PSMB11: variants seen among roughly 807,000 people sequenced by gnomAD.
The protein encoded by PSMB11 is proteasome subunit beta 11.
For synonymous variants in PSMB11, 163 were observed against 167.7 expected (o/e 0.97, Z 0.22); for missense variants, 411 against 408.2 (o/e 1.01, Z -0.06).
At position 23,042,707 on chromosome 14, in the gene PSMB11, T is replaced by A. The variant is rs760140558; in HGVS notation, c.482T>A (p.Phe161Tyr). Reference sequence around the variant, plus strand: ...TGGGACCGCTCTGGCCCTGAGCTCTTCTACGTCTATAGCGACGGCACCCGC... The same window carrying A: ...TGGGACCGCTCTGGCCCTGAGCTCTACTACGTCTATAGCGACGGCACCCGC... The part of the protein sequence containing the change: ...CGWDRSGPEL[F>Y]YVYSDGTRLQ... Residue 161 changes from phenylalanine to tyrosine, a missense_variant, in exon 1 of 1, where the codon TTC (phenylalanine) becomes TAC (tyrosine). By Grantham distance (22) the Phe-to-Tyr change is conservative. Transcript: ENST00000408907. 6.2e-7 allele frequency: 1 copy of A among 1,613,412 alleles called. No individual in the cohort carries two copies. Among genetic ancestry groups the A allele is most frequent in the Non-Finnish European group, 8.5e-7 (1 of 1,179,998 alleles).
chr14:23,042,908 T>C lies in PSMB11; in HGVS notation c.683T>C (p.Val228Ala), dbSNP rs749011743. 2 of 1,613,966 alleles carry C rather than the reference T, an allele frequency of 1.2e-6. No individual in the cohort carries two copies. The highest frequency in any genetic ancestry group is 1.1e-5 in the South Asian group (1 of 91,068). Reference protein sequence around the residue: ...YSGGSVDLFHVRESGWEHVSR... With the variant: ...YSGGSVDLFHARESGWEHVSR... ...GGGGGCTCTGTAGACCTTTTCCACG[T>C]GCGGGAGAGTGGATGGGAGCATGTG... Residue 228 changes from valine (V) to alanine (A), a missense_variant, in exon 1 of 1, where the codon GTG becomes GCG. Transcript: ENST00000408907.
chr14:23,043,114 A>G lies in PSMB11; in HGVS notation c.889A>G (p.Thr297Ala), dbSNP rs780296102. 2 of 1,609,226 alleles carry G rather than the reference A, an allele frequency of 1.2e-6. No homozygotes were observed. Among genetic ancestry groups the G allele is most frequent in the Admixed American group, 3.4e-5 (2 of 59,610 alleles). Reference protein sequence around the residue: ...TPGDSRMPAGTETV With the variant: ...TPGDSRMPAGAETV ...AGGAGACTCCAGGATGCCAGCAGGGACTGAGACGGTGTGAGAAGCAGGACT... is the reference window on the plus strand; with the variant it reads ...AGGAGACTCCAGGATGCCAGCAGGGGCTGAGACGGTGTGAGAAGCAGGACT... The change falls in exon 1 of 1, where the codon ACT (threonine) becomes GCT (alanine). Residue 297 changes from threonine (T) to alanine (A), a missense_variant. Physicochemically the swap from Thr to Ala is moderately conservative, Grantham distance 58. Coordinates refer to ENST00000408907, the MANE Select transcript of PSMB11 (RefSeq NM_001099780.2).
In PSMB11 at chr14:23,043,783, G is replaced by C. The variant is rs28628049; in HGVS notation, c.*655G>C. 2,058 of 167,256 alleles carry C rather than the reference G, an allele frequency of 0.012. 23 individuals are homozygous for C. The highest frequency in any genetic ancestry group is 0.032 in the African/African-American group (1,340 of 41,564). The allele number at this position is 167,256 out of a possible 1,614,324, so 10.4% of individuals were successfully genotyped here. On this transcript the variant is annotated 3_prime_UTR_variant, in exon 1 of 1. Transcript: ENST00000408907. ...TCAGGTTCAAAGGGTTATGTGGCTTGCCAGGGTCACACAGTAAGTGGCAGG... is the reference window on the plus strand; with the variant it reads ...TCAGGTTCAAAGGGTTATGTGGCTTCCCAGGGTCACACAGTAAGTGGCAGG...
rs372255144 is a variant in PSMB11 at position 23,043,062 on chromosome 14, C to T, written c.837C>T (p.Leu279=). The T allele has an allele frequency of 2.5e-6, 4 of 1,613,768 alleles. No homozygotes were observed. Among genetic ancestry groups the T allele is most frequent in the Non-Finnish European group, 3.4e-6 (4 of 1,179,822 alleles). Residue 279 remains leucine (L), a synonymous_variant, in exon 1 of 1, where the codon CTC becomes CTT. Transcript: ENST00000408907. ...ACAGAGCTGCAGAAGATAGAGAGCT[C>T]TCTGTGGGGCCAGGGGAGGTGACAC... ...TAHRAAEDRE[L]SVGPGEVTPG... is the part of the protein sequence containing the mutation.
In PSMB11 at chr14:23,042,578, G is replaced by C; in HGVS notation, c.353G>C (p.Arg118Thr). The C allele has an allele frequency of 6.2e-7, 1 of 1,614,214 alleles. No individual in the cohort carries two copies. Among genetic ancestry groups the C allele is most frequent in the Non-Finnish European group, 8.5e-7 (1 of 1,180,042 alleles). ...LQRELRLRELREGQLPSVASA... is the reference protein window; with the variant it reads ...LQRELRLRELTEGQLPSVASA... ...CGGGAGCTGCGGCTTCGGGAACTGA[G>C]GGAGGGTCAGCTGCCCAGTGTGGCC... is the stretch of plus-strand genomic sequence containing the variant. Residue 118 changes from arginine (R) to threonine (T), a missense_variant, in exon 1 of 1, where the codon AGG becomes ACG. Coordinates refer to ENST00000408907, the MANE Select transcript of PSMB11 (RefSeq NM_001099780.2).
rs768935982 is a variant in PSMB11 at position 23,042,568 on chromosome 14, C to T, written c.343C>T (p.Arg115Trp). 1.6e-5 allele frequency: 26 copies of T among 1,614,060 alleles called. No homozygotes were observed. The highest frequency in any genetic ancestry group is 4.4e-5 in the South Asian group (4 of 91,084). Residue 115 changes from arginine (R) to tryptophan (W), a missense_variant, in exon 1 of 1, where the codon CGG (arginine) becomes TGG (tryptophan). Physicochemically the swap from Arg to Trp is moderately radical, Grantham distance 101. Coordinates refer to ENST00000408907, the MANE Select transcript of PSMB11 (RefSeq NM_001099780.2). ...YRVLQRELRLRELREGQLPSV... is the reference protein window; with the variant it reads ...YRVLQRELRLWELREGQLPSV... Reference sequence around the variant, plus strand: ...GGTATTACAGCGGGAGCTGCGGCTTCGGGAACTGAGGGAGGGTCAGCTGCC... The same window carrying T: ...GGTATTACAGCGGGAGCTGCGGCTTTGGGAACTGAGGGAGGGTCAGCTGCC...
At position 23,042,943 on chromosome 14, in the gene PSMB11, G is replaced by A. The variant is rs762039652; in HGVS notation, c.718G>A (p.Asp240Asn). 9.3e-6 allele frequency: 15 copies of A among 1,614,080 alleles called. No homozygotes were observed. Among genetic ancestry groups the A allele is most frequent in the African/African-American group, 1.3e-5 (1 of 74,936 alleles). The change falls in exon 1 of 1, where the codon GAT becomes AAT. Residue 240 changes from aspartate (D) to asparagine (N), a missense_variant. Asp to Asn is a conservative substitution (Grantham distance 23). Coordinates refer to ENST00000408907, the MANE Select transcript of PSMB11 (RefSeq NM_001099780.2). ...ESGWEHVSRS[D>N]ACVLYVELQK... ...TGGATGGGAGCATGTGTCACGCAGT[G>A]ATGCCTGTGTGCTGTACGTGGAGTT...
rs577567195 is a variant in PSMB11, at chr14:23,042,958, T to C, written c.733T>C (p.Tyr245His). The C allele has an allele frequency of 1.2e-6, 2 of 1,614,130 alleles. No individual in the cohort carries two copies. The highest frequency in any genetic ancestry group is 1.3e-5 in the African/African-American group (1 of 75,036). Residue 245 changes from tyrosine (Y) to histidine (H), a missense_variant, in exon 1 of 1, where the codon TAC becomes CAC. Coordinates refer to ENST00000408907, the MANE Select transcript of PSMB11 (RefSeq NM_001099780.2). ...GTCACGCAGTGATGCCTGTGTGCTG[T>C]ACGTGGAGTTACAGAAGCTCCTGGA... The part of the protein sequence containing the change: ...HVSRSDACVL[Y>H]VELQKLLEPE...
Position 23,042,906 on chromosome 14 carries a change from C to A in PSMB11, c.681C>A (p.His227Gln). 6.2e-7 allele frequency: 1 copy of A among 1,614,056 alleles called. No homozygotes were observed. Among genetic ancestry groups the A allele is most frequent in the Non-Finnish European group, 8.5e-7 (1 of 1,179,954 alleles). Reference sequence around the variant, plus strand: ...CAGGGGGCTCTGTAGACCTTTTCCACGTGCGGGAGAGTGGATGGGAGCATG... The same window carrying A: ...CAGGGGGCTCTGTAGACCTTTTCCAAGTGCGGGAGAGTGGATGGGAGCATG... Reference protein sequence around the residue: ...AYSGGSVDLFHVRESGWEHVS... With the variant: ...AYSGGSVDLFQVRESGWEHVS... Residue 227 changes from histidine (H) to glutamine (Q), a missense_variant, in exon 1 of 1, where the codon CAC becomes CAA. By Grantham distance (24) the His-to-Gln change is conservative. Coordinates refer to ENST00000408907, the MANE Select transcript of PSMB11 (RefSeq NM_001099780.2).
Position 23,042,866 on chromosome 14 carries a change from A to C in PSMB11, c.641A>C (p.His214Pro), listed in dbSNP as rs2047021671. The part of the protein sequence containing the change: ...LARCAVAHAT[H>P]RDAYSGGSVD... ...CGCTGCGCCGTGGCCCACGCCACCC[A>C]CCGTGATGCCTATTCAGGGGGCTCT... Residue 214 changes from histidine to proline, a missense_variant, in exon 1 of 1, where the codon CAC becomes CCC. By Grantham distance (77) the His-to-Pro change is moderately conservative. Transcript: ENST00000408907. The C allele has an allele frequency of 6.2e-7, 1 of 1,613,832 alleles. No homozygotes were observed. Among genetic ancestry groups the C allele is most frequent in the Non-Finnish European group, 8.5e-7 (1 of 1,180,024 alleles).
At position 23,042,763 on chromosome 14, in the gene PSMB11, G is replaced by A; in HGVS notation, c.538G>A (p.Gly180Arg). ...LQGDIFSVGS[G>R]SPYAYGVLDR... ...GGGGGACATCTTCTCTGTGGGCTCT[G>A]GATCTCCCTATGCCTACGGCGTGCT... The change falls in exon 1 of 1, where the codon GGA (glycine) becomes AGA (arginine). Residue 180 changes from glycine to arginine, a missense_variant. Coordinates refer to ENST00000408907, the MANE Select transcript of PSMB11 (RefSeq NM_001099780.2). 2 of 1,613,202 alleles carry A rather than the reference G, an allele frequency of 1.2e-6. No homozygotes were observed. The highest frequency in any genetic ancestry group is 1.7e-6 in the Non-Finnish European group (2 of 1,179,962).
In PSMB11 at chr14:23,042,836, T is replaced by C; in HGVS notation, c.611T>C (p.Leu204Pro). The part of the protein sequence containing the change: ...YDMSTQEAYA[L>P]ARCAVAHATH... ...ATGAGCACCCAGGAAGCCTACGCCC[T>C]GGCTCGCTGCGCCGTGGCCCACGCC... Residue 204 changes from leucine (L) to proline (P), a missense_variant, in exon 1 of 1, where the codon CTG becomes CCG. Transcript: ENST00000408907. The C allele has an allele frequency of 6.2e-7, 1 of 1,613,344 alleles. No homozygotes were observed. Among genetic ancestry groups the C allele is most frequent in the Non-Finnish European group, 8.5e-7 (1 of 1,180,028 alleles).
In PSMB11 at chr14:23,044,027, G is replaced by C. The variant is rs1054582338; in HGVS notation, c.*899G>C. On this transcript the variant is annotated 3_prime_UTR_variant, in exon 1 of 1. Transcript: ENST00000408907. ...CCCCACAGCCCACCCTTGCTCTCCA[G>C]CTTTCTGGGCCTGGCGGTGCCGCTG... 1 of 167,464 alleles carries C rather than the reference G, an allele frequency of 6.0e-6. No homozygotes were observed. The highest frequency in any genetic ancestry group is 2.4e-5 in the African/African-American group (1 of 41,454). 10.4% of individuals were successfully genotyped at this position (167,464 alleles called of 1,614,324 possible). A position where few individuals can be genotyped will look rare whatever the true frequency, so the allele number is the denominator to read the frequency against.
chr14:23,042,594 C>G lies in PSMB11; in HGVS notation c.369C>G (p.Pro123=). The stretch of plus-strand genomic sequence containing the variant: ...GGGAACTGAGGGAGGGTCAGCTGCC[C>G]AGTGTGGCCAGTGCTGCCAAGCTCT... The part of the protein sequence containing the change: ...RLRELREGQL[P]SVASAAKLLS... The change falls in exon 1 of 1, where the codon CCC becomes CCG. Residue 123 remains proline, a synonymous_variant. Transcript: ENST00000408907. 1 of 1,614,180 alleles carries G rather than the reference C, an allele frequency of 6.2e-7. No homozygotes were observed. The highest frequency in any genetic ancestry group is 8.5e-7 in the Non-Finnish European group (1 of 1,180,038).
In PSMB11 at chr14:23,042,784, G is replaced by C. The variant is rs200046969; in HGVS notation, c.559G>C (p.Val187Leu). ...VGSGSPYAYG[V>L]LDRGYRYDMS... ...CTCTGGATCTCCCTATGCCTACGGCGTGCTAGACCGTGGCTATCGCTACGA... is the reference window on the plus strand; with the variant it reads ...CTCTGGATCTCCCTATGCCTACGGCCTGCTAGACCGTGGCTATCGCTACGA... Residue 187 changes from valine (V) to leucine (L), a missense_variant, in exon 1 of 1, where the codon GTG (valine) becomes CTG (leucine). Val to Leu is a conservative substitution (Grantham distance 32, BLOSUM62 1). Coordinates refer to ENST00000408907, the MANE Select transcript of PSMB11 (RefSeq NM_001099780.2). 2 of 1,612,892 alleles carry C rather than the reference G, an allele frequency of 1.2e-6. No individual in the cohort carries two copies. The highest frequency in any genetic ancestry group is 1.7e-6 in the Non-Finnish European group (2 of 1,180,002).
chr14:23,042,685 G>C lies in PSMB11; in HGVS notation c.460G>C (p.Asp154His). The change falls in exon 1 of 1, where the codon GAC becomes CAC. Residue 154 changes from aspartate (D) to histidine (H), a missense_variant. Coordinates refer to ENST00000408907, the MANE Select transcript of PSMB11 (RefSeq NM_001099780.2). ...TGTGGCCACTGCCCTCTGCGGCTGG[G>C]ACCGCTCTGGCCCTGAGCTCTTCTA... ...LCVATALCGW[D>H]RSGPELFYVY... is the part of the protein sequence containing the mutation. 1.9e-6 allele frequency: 3 copies of C among 1,613,606 alleles called. No individual in the cohort carries two copies. Among genetic ancestry groups the C allele is most frequent in the Non-Finnish European group, 2.5e-6 (3 of 1,180,020 alleles).
chr14:23,043,325 A>T lies in PSMB11; in HGVS notation c.*197A>T. ...GGCTCTGCCCAACAAGTTCCTATTG[A>T]CTCCCAGTGGATTGGTCCAGCCTCC... On this transcript the variant is annotated 3_prime_UTR_variant, in exon 1 of 1. Coordinates refer to ENST00000408907, the MANE Select transcript of PSMB11 (RefSeq NM_001099780.2). 1.8e-6 allele frequency: 1 copy of T among 548,104 alleles called. No homozygotes were observed. The highest frequency in any genetic ancestry group is 2.9e-5 in the East Asian group (1 of 34,412). 34.0% of individuals were successfully genotyped at this position (548,104 alleles called of 1,614,324 possible). A position where few individuals can be genotyped will look rare whatever the true frequency, so the allele number is the denominator to read the frequency against.
Position 23,042,212 on chromosome 14 carries a change from A to C in PSMB11, c.-14A>C. 3.9e-6 allele frequency: 6 copies of C among 1,538,960 alleles called. No individual in the cohort carries two copies. Among genetic ancestry groups the C allele is most frequent in the Non-Finnish European group, 5.3e-6 (6 of 1,141,636 alleles). ...TCCTGGCTTGCTTCTTCCAAACTTCATTCAGCCCCAGGGATGGCTCTGCAG... is the reference window on the plus strand; with the variant it reads ...TCCTGGCTTGCTTCTTCCAAACTTCCTTCAGCCCCAGGGATGGCTCTGCAG... On this transcript the variant is annotated 5_prime_UTR_variant, in exon 1 of 1. Transcript: ENST00000408907.
chr14:23,042,219 C>T lies in PSMB11; in HGVS notation c.-7C>T, dbSNP rs778541555. On this transcript the variant is annotated 5_prime_UTR_variant, in exon 1 of 1. Coordinates refer to ENST00000408907, the MANE Select transcript of PSMB11 (RefSeq NM_001099780.2). ...TTGCTTCTTCCAAACTTCATTCAGCCCCAGGGATGGCTCTGCAGGATGTGT... is the reference window on the plus strand; with the variant it reads ...TTGCTTCTTCCAAACTTCATTCAGCTCCAGGGATGGCTCTGCAGGATGTGT... 1.3e-6 allele frequency: 2 copies of T among 1,549,342 alleles called. No homozygotes were observed. Among genetic ancestry groups the T allele is most frequent in the East Asian group, 2.3e-5 (1 of 44,206 alleles).
Sources: gnomAD v4.1 joint callset for allele counts on GRCh38, gnomAD v4.1.1 for gene constraint, MANE v1.5 for transcripts, NCBI Gene and HGNC (gene_info 2026-07-23, HGNC 2026-07-21) for gene names.